The following TACC2 variants were observed in gnomAD, a reference collection of about 807,000 sequenced individuals.
The protein encoded by TACC2 is transforming acidic coiled-coil-containing protein 2.
In TACC2, 137 loss-of-function variants were observed where a neutral mutation model predicts 227.3. That is an observed-to-expected ratio of 0.60 (90% CI 0.52 to 0.69). TACC2 has a LOEUF of 0.69. Among genes scored for constraint, TACC2 ranks in the 30% least tolerant of loss-of-function variants. The probability of loss-of-function intolerance (pLI) is 0.00; values close to 1 mark genes in which losing one functional copy is unlikely to be tolerated. For synonymous variants in TACC2, 1,523 were observed against 1,487.5 expected, an observed-to-expected ratio of 1.02 and a Z score of -0.55; for missense variants, 3,470 against 3,694.4, an observed-to-expected ratio of 0.94 and a Z score of 1.57.
chr10:122,021,975 A>G lies in TACC2; in HGVS notation c.-7A>G. The G allele has an allele frequency of 1.2e-6, 2 of 1,614,066 alleles. No individual in the cohort carries two copies. Among genetic ancestry groups the G allele is most frequent in the Non-Finnish European group, 1.7e-6 (2 of 1,179,998 alleles). On this transcript the variant is annotated 5_prime_UTR_variant, in exon 2 of 23. Transcript: ENST00000369005. ...AATTCTGGGGACGCTGGGAACACTG[A>G]ATCAACATGGGCAATGAGAACAGCA...
intron 5 of TACC2, among the ~76,000 whole-genome samples, chr10:122,115,297 TGTGTGTGTGTGTGTGTGTGTGTGA>T (rs1687362704): frequency 3.3e-5 from 5 of 151,226 alleles, no homozygotes; most frequent in Admixed American, 6.6e-5. Flanking sequence ...TGTGTGTGTG[TGTGTGTGTGTGTGTGTGTGTGTGA>T]GATACCTGAG....
intron 3 of TACC2, among the ~76,000 whole-genome samples, chr10:122,075,376 A>G (rs747209652): frequency 6.5e-4 from 99 of 152,120 alleles, no homozygotes; most frequent in Non-Finnish European, 1.1e-3. Flanking sequence ...TCACGTGGCA[A>G]ATAGCTGCGA....
chr10:122,144,589 A>G (rs1592569458), intron 7 of TACC2, among the ~76,000 whole-genome samples: 2 of 152,204 alleles, frequency 1.3e-5, no homozygotes, highest in Non-Finnish European at 2.9e-5. Flanking sequence ...CAAGAATATA[A>G]GGGGTGCCCA....
At chr10:122,054,328 A>G (rs2076011050) in intron 3 of TACC2, among the ~76,000 whole-genome samples, 1 of 152,156 alleles carries the variant, frequency 6.6e-6, no homozygotes, top group Non-Finnish European at 1.5e-5. Flanking sequence ...AGGGAGAATG[A>G]TCCTAGCCTC....
chr10:122,038,126 G>A (rs1296356171), intron 2 of TACC2, among the ~76,000 whole-genome samples: 1 of 152,082 alleles, frequency 6.6e-6, no homozygotes, highest in African/African-American at 2.4e-5. Flanking sequence ...AGGGTGTGGT[G>A]GTGTGCACCT....
chr10:122,194,109 A>G lies in TACC2; in HGVS notation c.5835-931A>G, dbSNP rs2094492973. Among the ~76,000 whole-genome samples the G allele has an allele frequency of 6.6e-6, 1 of 152,064 alleles. No individual in the cohort carries two copies. Among genetic ancestry groups the G allele is most frequent in the Admixed American group, 6.6e-5 (1 of 15,264 alleles). On this transcript the variant is annotated intron_variant, in intron 7 of 22. Transcript: ENST00000369005. This position sits in a 1 kb window ranked among gnomAD's most constrained non-coding sequence, Gnocchi z 4.4. ...ATTTTTTATTTTTATCTTTTTATAGAAATAGGGCCTCACTGTGTTGCCCAG... is the reference window on the plus strand; with the variant it reads ...ATTTTTTATTTTTATCTTTTTATAGGAATAGGGCCTCACTGTGTTGCCCAG...
chr10:122,185,889 T>G (rs894889406), intron 7 of TACC2, among the ~76,000 whole-genome samples: 1 of 152,210 alleles, frequency 6.6e-6, no homozygotes, highest in African/African-American at 2.4e-5. Context: ...TTGAATTCAG[T>G]TTTATATTCT....
intron 7 of TACC2, among the ~76,000 whole-genome samples, chr10:122,149,540 C>T (rs1030189476): frequency 6.8e-6 from 1 of 147,492 alleles, no homozygotes; most frequent in Non-Finnish European, 1.5e-5. Flanking sequence ...TTGCTCCCTT[C>T]CCTCTGTCAA....
Position 122,132,601 on chromosome 10 carries a change from C to G in TACC2, c.5574-8C>G, listed in dbSNP as rs2088549936. The G allele has an allele frequency of 1.9e-6, 3 of 1,613,988 alleles. No homozygotes were observed. The highest frequency in any genetic ancestry group is 2.2e-5 in the East Asian group (1 of 44,890). ...TGAGTTTAGGTTCTTTCCCTTTTCT[C>G]TCCCCAGTTCACCTGTGGCAGATGA... On this transcript the variant is annotated splice_region_variant and splice_polypyrimidine_tract_variant and intron_variant, in intron 5 of 22. Transcript: ENST00000369005.
chr10:122,226,466 C>G lies in TACC2; in HGVS notation c.7709C>G (p.Pro2570Arg), dbSNP rs61730787. ...TCTCCCGTCCGCATGTCAGAGTCCC[C>G]GACGCCGTGTTCAGGGTATGACTTC... ...KSSPVRMSES[P>R]TPCSGSSFEE... The change falls in exon 13 of 23, where the codon CCG becomes CGG. Residue 2570 changes from proline (P) to arginine (R), a missense_variant. By Grantham distance (103) the Pro-to-Arg change is moderately radical. Transcript: ENST00000369005. 4 of 1,613,210 alleles carry G rather than the reference C, an allele frequency of 2.5e-6. No individual in the cohort carries two copies. Among genetic ancestry groups the G allele is most frequent in the Non-Finnish European group, 1.7e-6 (2 of 1,179,458 alleles).
chr10:122,123,253 C>T (rs999544301), intron 5 of TACC2, among the ~76,000 whole-genome samples: 1 of 152,126 alleles, frequency 6.6e-6, no homozygotes, highest in Non-Finnish European at 1.5e-5. Flanking sequence ...GATTCACCCA[C>T]CTCGGCCTCC....
In TACC2 at chr10:122,254,162, G is replaced by A. The variant is rs959269055; in HGVS notation, c.*106G>A. The A allele has an allele frequency of 1.1e-6, 1 of 881,176 alleles. No homozygotes were observed. The highest frequency in any genetic ancestry group is 1.6e-5 in the African/African-American group (1 of 60,704). The allele number at this position is 881,176 out of a possible 1,614,324, so 54.6% of individuals were successfully genotyped here. On this transcript the variant is annotated 3_prime_UTR_variant, in exon 23 of 23. Coordinates refer to ENST00000369005, the MANE Select transcript of TACC2 (RefSeq NM_206862.4). ...AGGTTCTGTTTTCACTTTTTCGTAT[G>A]CACTACTGTATTTCCTTTCTAAATA...
At chr10:122,108,312 A>C (rs548575809) in intron 5 of TACC2, among the ~76,000 whole-genome samples, 1 of 152,072 alleles carries the variant, frequency 6.6e-6, no homozygotes, top group Non-Finnish European at 1.5e-5. Context: ...CTCCAATTCC[A>C]TCCATGTTGC....
In TACC2 at chr10:122,085,852, C is replaced by T; in HGVS notation, c.3352C>T (p.Pro1118Ser). 6.2e-7 allele frequency: 1 copy of T among 1,613,000 alleles called. No individual in the cohort carries two copies. Among genetic ancestry groups the T allele is most frequent in the South Asian group, 1.1e-5 (1 of 90,972 alleles). ...GTCCCCAAAGCTTCTTGCAAGTTTC[C>T]CATCAGCTGGGGAGCAAGGTGGTGA... ...AESPKLLASFPSAGEQGGEAG... is the reference protein window; with the variant it reads ...AESPKLLASFSSAGEQGGEAG... Residue 1118 changes from proline to serine, a missense_variant, in exon 4 of 23, where the codon CCA becomes TCA. Around this residue, in one of 10 missense-constraint regions of TACC2, gnomAD observed 1,924 missense variants for 1,978.3 expected, o/e 0.97. Transcript: ENST00000369005.
chr10:122,109,867 G>A (rs2083380119), intron 5 of TACC2, among the ~76,000 whole-genome samples: 1 of 152,138 alleles, frequency 6.6e-6, no homozygotes. Flanking sequence ...CTTTGACCCT[G>A]GGTAAGTCCA....
At position 122,084,635 on chromosome 10, in the gene TACC2, CT is replaced by C. The variant is rs762431847; in HGVS notation, c.2138del (p.Phe713SerfsTer2). 1 of 1,613,826 alleles carries C rather than the reference CT, an allele frequency of 6.2e-7. No individual in the cohort carries two copies. Among genetic ancestry groups the C allele is most frequent in the South Asian group, 1.1e-5 (1 of 91,090 alleles). On this transcript the variant is annotated frameshift_variant, in exon 4 of 23. Transcript: ENST00000369005. LOFTEE classifies it high-confidence loss of function. ...QSREGLGRMESFLTLESEKSD... is the reference protein window; with the variant it reads ...QSREGLGRMEXFLTLESEKSD... ...AGGGAAGGATTGGGAAGAATGGAGT[CT>C]TTCCTGACTTTAGAATCAGAGAAAT...
At chr10:122,155,644 T>C (rs1235801815) in intron 7 of TACC2, among the ~76,000 whole-genome samples, 1 of 152,166 alleles carries the variant, frequency 6.6e-6, no homozygotes, top group Non-Finnish European at 1.5e-5. Flanking sequence ...CTTTGGAGAC[T>C]GAGATTTTAT....
intron 7 of TACC2, 23 bp downstream of exon 7, chr10:122,143,729 C>G (rs778749842): frequency 1.9e-6 from 3 of 1,608,376 alleles, no homozygotes; most frequent in African/African-American, 2.7e-5. Context: ...TCCCCCTCCA[C>G]AGCACCTGCC....
chr10:122,034,786 C>T (rs568096323), intron 2 of TACC2, among the ~76,000 whole-genome samples: 21 of 151,926 alleles, frequency 1.4e-4, no homozygotes, highest in South Asian at 2.1e-4. Flanking sequence ...AAAAATTAGC[C>T]GGGCGTGGTG....
Sources: allele counts gnomAD v4.1 joint callset (sites outside exome capture counted in the v4.1 genomes callset), GRCh38; gene constraint gnomAD v4.1.1; regional missense constraint gnomAD v4.1.1; non-coding constraint Gnocchi (gnomAD v3.1); transcripts MANE v1.5; gene names NCBI Gene and HGNC (gene_info 2026-07-23, HGNC 2026-07-21).